NEMF: variants seen among roughly 807,000 people sequenced by gnomAD.
NEMF encodes nuclear export mediator factor.
In NEMF, 89 loss-of-function variants were observed where a neutral mutation model predicts 162.2. That is an observed-to-expected ratio of 0.55 (90% CI 0.46 to 0.65). The LOEUF (loss-of-function observed/expected upper bound fraction) is 0.65, where lower values mean the gene tolerates loss of function less well. Ranked by LOEUF, NEMF falls within the 30% of genes least tolerant of loss-of-function variation. The pLI, the probability that NEMF is intolerant of heterozygous loss-of-function variation, is 0.00. For missense variants in NEMF, 1,133 were observed against 1,261.9 expected (o/e 0.90, Z 1.55); for synonymous variants, 421 against 404.5 (o/e 1.04, Z -0.49).
At chr14:49,794,074 GCTAAA>G in intron 26 of NEMF, among the ~76,000 whole-genome samples, 2 of 152,120 alleles carry the variant, frequency 1.3e-5, no homozygotes, top group Non-Finnish European at 2.9e-5. Flanking sequence ...GTACTAAAAT[GCTAAA>G]TATCAGGTAG....
In NEMF at chr14:49,783,775, C is replaced by T. The variant is rs555727314; in HGVS notation, c.*861G>A. The T allele has an allele frequency of 6.6e-6, 1 of 151,942 alleles. No individual in the cohort carries two copies. 9.4% of individuals were successfully genotyped at this position (151,942 alleles called of 1,614,324 possible). On this transcript the variant is annotated 3_prime_UTR_variant, in exon 33 of 33. Coordinates refer to ENST00000298310, the MANE Select transcript of NEMF (RefSeq NM_004713.6). ...TTACAAGGAAAAAATTAAGATCAAACCTGAAGGTCTACAAATGAATAGAAA... is the reference window on the plus strand; with the variant it reads ...TTACAAGGAAAAAATTAAGATCAAATCTGAAGGTCTACAAATGAATAGAAA...
At chr14:49,819,518 G>A (rs980827274) in intron 16 of NEMF, among the ~76,000 whole-genome samples, 2 of 151,894 alleles carry the variant, frequency 1.3e-5, no homozygotes, top group Non-Finnish European at 2.9e-5. Context: ...AGGCTCAAGT[G>A]ATCCTCCCAC....
At chr14:49,845,034 G>T (rs141296829) in intron 4 of NEMF, among the ~76,000 whole-genome samples, 3,109 of 152,064 alleles carry the variant, frequency 0.02, 95 homozygotes, top group African/African-American at 0.069. Flanking sequence ...CTCCCAAAGT[G>T]CTGGGATTAC....
intron 4 of NEMF, among the ~76,000 whole-genome samples, chr14:49,843,604 C>T (rs543695967): frequency 7.9e-5 from 12 of 152,302 alleles, no homozygotes; most frequent in African/African-American, 2.2e-4. Flanking sequence ...GTCGTGTGAA[C>T]GTAATAGAGT....
chr14:49,809,959 G>A (rs780682448), intron 18 of NEMF, among the ~76,000 whole-genome samples: 1 of 152,096 alleles, frequency 6.6e-6, no homozygotes, highest in Non-Finnish European at 1.5e-5. Flanking sequence ...CGTTCTGGTG[G>A]GGGATATCGA....
At chr14:49,816,887 T>A (rs1219933385) in intron 16 of NEMF, among the ~76,000 whole-genome samples, 1 of 152,110 alleles carries the variant, frequency 6.6e-6, no homozygotes, top group African/African-American at 2.4e-5. Flanking sequence ...AGTAAGGGAA[T>A]GTATAGCCAA....
intron 18 of NEMF, among the ~76,000 whole-genome samples, chr14:49,808,163 T>G (rs192566893): frequency 9.1e-4 from 138 of 152,042 alleles, no homozygotes; most frequent in African/African-American, 3.0e-3. Flanking sequence ...TTCCTTGGAT[T>G]AAGGTTTTAT....
At chr14:49,793,474 T>C (rs1004480139) in intron 26 of NEMF, among the ~76,000 whole-genome samples, 2 of 152,216 alleles carry the variant, frequency 1.3e-5, no homozygotes, top group Non-Finnish European at 2.9e-5. Context: ...GTTATAGTTT[T>C]ATAATTGCAC....
chr14:49,797,172 C>A (rs1279321154), intron 25 of NEMF, among the ~76,000 whole-genome samples: 2 of 152,104 alleles, frequency 1.3e-5, no homozygotes. Context: ...TGTAATTGTT[C>A]AATGATTATG....
intron 19 of NEMF, among the ~76,000 whole-genome samples, chr14:49,803,749 C>A (rs1368097938): frequency 6.6e-6 from 1 of 151,906 alleles, no homozygotes; most frequent in Non-Finnish European, 1.5e-5. Context: ...TGGTCTTGAA[C>A]TCCTAACCTC....
At chr14:49,794,759 C>A (rs998097465) in intron 26 of NEMF, among the ~76,000 whole-genome samples, 3 of 145,026 alleles carry the variant, frequency 2.1e-5, no homozygotes, top group Admixed American at 7.1e-5. Flanking sequence ...CGCCATGTCA[C>A]CCAGGCTGCG....
Position 49,784,335 on chromosome 14 carries a change from C to T in NEMF, c.*301G>A, listed in dbSNP as rs1475787297. The T allele has an allele frequency of 4.3e-6, 1 of 233,600 alleles. No individual in the cohort carries two copies. Among genetic ancestry groups the T allele is most frequent in the East Asian group, 9.5e-5 (1 of 10,544 alleles). 14.5% of individuals were successfully genotyped at this position (233,600 alleles called of 1,614,324 possible). A position where few individuals can be genotyped will look rare whatever the true frequency, so the allele number is the denominator to read the frequency against. On this transcript the variant is annotated 3_prime_UTR_variant, in exon 33 of 33. Transcript: ENST00000298310. The stretch of plus-strand genomic sequence containing the variant: ...GCCACTTCACTGTTCAGTTTCTTTA[C>T]ATCATGAAATGAATACTTGGTATTA...
chr14:49,800,327 A>T (rs1021457662), intron 23 of NEMF, 93 bp downstream of exon 23: 4 of 942,178 alleles, frequency 4.2e-6, no homozygotes, highest in Non-Finnish European at 4.7e-6. Flanking sequence ...GTGTAAAAGT[A>T]CTGATGTCAA....
At chr14:49,799,451 G>T in intron 25 of NEMF, 24 bp downstream of exon 25, 1 of 1,568,284 alleles carries the variant, frequency 6.4e-7, no homozygotes, top group Non-Finnish European at 8.6e-7. Flanking sequence ...ATGCTTTTTA[G>T]TTAATTAACA....
At chr14:49,796,820 T>C (rs1010432521) in intron 25 of NEMF, among the ~76,000 whole-genome samples, 10 of 152,198 alleles carry the variant, frequency 6.6e-5, no homozygotes, top group African/African-American at 2.4e-4. Context: ...TTCTCTTCCT[T>C]CCAACTCAGT....
chr14:49,849,167 T>A (rs1893655720), intron 3 of NEMF, among the ~76,000 whole-genome samples: 1 of 152,192 alleles, frequency 6.6e-6, no homozygotes, highest in Admixed American at 6.5e-5. Flanking sequence ...AACCTACATG[T>A]AGGGCTATCT....
At chr14:49,824,726 G>T (rs551890656) in intron 16 of NEMF, among the ~76,000 whole-genome samples, 1 of 152,056 alleles carries the variant, frequency 6.6e-6, no homozygotes, top group African/African-American at 2.4e-5. Flanking sequence ...ACCATGCCCA[G>T]CCCACTCAAA....
chr14:49,802,581 AAC>A lies in NEMF; in HGVS notation c.1975-10_1975-9del. 1 of 1,613,284 alleles carries A rather than the reference AAC, an allele frequency of 6.2e-7. No individual in the cohort carries two copies. Among genetic ancestry groups the A allele is most frequent in the Non-Finnish European group, 8.5e-7 (1 of 1,179,818 alleles). On this transcript the variant is annotated splice_polypyrimidine_tract_variant and intron_variant, in intron 21 of 32. Transcript: ENST00000298310. ...AACACAAGACTCATCTACCTAAAGA[AAC>A]AGTTATTTTTCAGTGACGGAGCTTC... is the stretch of plus-strand genomic sequence containing the variant.
At chr14:49,846,412 A>G (rs1357984507) in intron 3 of NEMF, 147 bp from the exon 4 acceptor site, 2 of 692,464 alleles carry the variant, frequency 2.9e-6, no homozygotes, top group East Asian at 2.7e-5. Context: ...AATAGATTGC[A>G]GATGATAATC....
Sources: gnomAD v4.1 joint callset for allele counts (sites outside exome capture counted in the v4.1 genomes callset) on GRCh38, gnomAD v4.1.1 for gene constraint, MANE v1.5 for transcripts, NCBI Gene and HGNC (gene_info 2026-07-23, HGNC 2026-07-21) for gene names.